Variants in LHPP observed in about 807,000 individuals in gnomAD.
The protein encoded by LHPP is phospholysine phosphohistidine inorganic pyrophosphate phosphatase.
LHPP carries 24 observed loss-of-function variants against 30.3 expected under a neutral mutation model. The ratio of observed to expected loss-of-function variants is 0.79; its 90% CI spans 0.57 to 1.11. The LOEUF is 1.11. Ranked by LOEUF, LHPP falls within the 50% of genes most tolerant of loss-of-function variation. The probability of loss-of-function intolerance (pLI) is 0.00; values close to 1 mark genes in which losing one functional copy is unlikely to be tolerated. For synonymous variants in LHPP, 150 were observed against 157.1 expected (o/e 0.95, Z 0.34); for missense variants, 356 against 367.2 (o/e 0.97, Z 0.25).
rs928037325 is a variant in LHPP at position 124,590,572 on chromosome 10, T to C, written c.717-22692T>C. Among the ~76,000 whole-genome samples, 1 of 152,154 alleles carries C rather than the reference T, an allele frequency of 6.6e-6. No individual in the cohort carries two copies. Among genetic ancestry groups the C allele is most frequent in the African/African-American group, 2.4e-5 (1 of 41,440 alleles). On this transcript the variant is annotated intron_variant, in intron 6 of 6. Transcript: ENST00000368842. The surrounding 1 kb of genome is among the most constrained non-coding windows in gnomAD (Gnocchi z 4.3). ...GTGTCATGACTGGACTTGTTACTTC[T>C]AGCCCAGGAGCTCCAGGTGAAGGGG...
At chr10:124,486,813 A>G (rs777447975) in intron 2 of LHPP, among the ~76,000 whole-genome samples, 1 of 152,248 alleles carries the variant, frequency 6.6e-6, no homozygotes, top group Non-Finnish European at 1.5e-5. Context: ...AGCGTAAATG[A>G]TCTGGTCAGA....
intron 1 of LHPP, among the ~76,000 whole-genome samples, chr10:124,469,513 G>C (rs975526844): frequency 8.5e-5 from 13 of 152,110 alleles, no homozygotes; most frequent in Non-Finnish European, 2.9e-5. Flanking sequence ...CCTGAGGTGG[G>C]GGGGGCTTCC....
chr10:124,610,379 GGTGAGGGT>G, intron 6 of LHPP, among the ~76,000 whole-genome samples: 1 of 151,582 alleles, frequency 6.6e-6, no homozygotes, highest in African/African-American at 2.4e-5. Flanking sequence ...TGGTGGAGCG[GGTGAGGGT>G]GCGGGTGAGG....
intron 6 of LHPP, among the ~76,000 whole-genome samples, chr10:124,559,091 C>T (rs899673846): frequency 7.2e-5 from 11 of 152,142 alleles, no homozygotes; most frequent in Non-Finnish European, 1.3e-4. Context: ...AGGGCCAGGC[C>T]GCGGCCCCCA....
At chr10:124,490,245 C>G (rs1953479743) in intron 3 of LHPP, 1 of 182,320 alleles carries the variant, frequency 5.5e-6, no homozygotes. Context: ...TCTTGCAGGT[C>G]GGTCACGCTC....
chr10:124,554,535 T>A (rs2063239063), intron 6 of LHPP, among the ~76,000 whole-genome samples: 1 of 152,232 alleles, frequency 6.6e-6, no homozygotes, highest in Admixed American at 6.5e-5. Context: ...AGTTTAATAA[T>A]GTGCATGCAG....
intron 1 of LHPP, among the ~76,000 whole-genome samples, chr10:124,463,308 G>C (rs1178361859): frequency 2.0e-5 from 3 of 151,844 alleles, no homozygotes; most frequent in Admixed American, 2.0e-4. Context: ...GGACTGCATT[G>C]GTTTAGGTGA....
At chr10:124,546,786 C>A (rs1414822040) in intron 6 of LHPP, among the ~76,000 whole-genome samples, 1 of 152,192 alleles carries the variant, frequency 6.6e-6, no homozygotes, top group East Asian at 1.9e-4. Flanking sequence ...TGCTCCCCAC[C>A]TCACCATGCA....
chr10:124,553,191 C>G (rs1258760580), intron 6 of LHPP, among the ~76,000 whole-genome samples: 1 of 150,652 alleles, frequency 6.6e-6, no homozygotes, highest in Non-Finnish European at 1.5e-5. Context: ...GTCCCTGTGA[C>G]TTGGCCATCC....
At chr10:124,492,980 A>T (rs1953577382) in intron 3 of LHPP, among the ~76,000 whole-genome samples, 1 of 152,182 alleles carries the variant, frequency 6.6e-6, no homozygotes, top group African/African-American at 2.4e-5. Context: ...TTGAGCTCAG[A>T]GGTTCGAGAC....
chr10:124,493,022 T>C (rs1953579693), intron 3 of LHPP, among the ~76,000 whole-genome samples: 1 of 150,380 alleles, frequency 6.6e-6, no homozygotes, highest in African/African-American at 2.4e-5. Context: ...ATTCCGTCTC[T>C]ACAAAAAAGA....
chr10:124,525,079 T>C (rs1295082770), intron 6 of LHPP, among the ~76,000 whole-genome samples: 1 of 152,212 alleles, frequency 6.6e-6, no homozygotes, highest in Non-Finnish European at 1.5e-5. Context: ...CTGGGCCTGC[T>C]TTCTTCTCCC....
At position 124,484,157 on chromosome 10, in the gene LHPP, G is replaced by T; in HGVS notation, c.144G>T (p.Leu48=). Residue 48 remains leucine (L), a synonymous_variant, in exon 2 of 7, where the codon CTG becomes CTT. Coordinates refer to ENST00000368842, the MANE Select transcript of LHPP (RefSeq NM_022126.4). ...GCCGCAGACTGAAGCGTTCCCGGCT[G>T]AAGGTGAGGTTCTGCACCAACGAGT... is the stretch of plus-strand genomic sequence containing the variant. ...EAVARLKRSR[L]KVRFCTNESQ... The T allele has an allele frequency of 1.2e-6, 2 of 1,614,018 alleles. No homozygotes were observed. Among genetic ancestry groups the T allele is most frequent in the South Asian group, 2.2e-5 (2 of 91,072 alleles).
intron 5 of LHPP, among the ~76,000 whole-genome samples, chr10:124,502,039 A>T (rs957184391): frequency 2.0e-5 from 3 of 152,016 alleles, no homozygotes; most frequent in African/African-American, 7.3e-5. Flanking sequence ...TAACCACTTT[A>T]AAATTGTTTT....
rs531939561 is a variant in LHPP at position 124,463,098 on chromosome 10, A to G, written c.125+1111A>G. Among the ~76,000 whole-genome samples the G allele has an allele frequency of 1.3e-3, 192 of 152,262 alleles. 1 individual carries two copies. The highest frequency in any genetic ancestry group is 4.5e-3 in the African/African-American group (186 of 41,548). On this transcript the variant is annotated intron_variant, in intron 1 of 6. Coordinates refer to ENST00000368842, the MANE Select transcript of LHPP (RefSeq NM_022126.4). ...TGGGCAGGCTGGTCTCTAACTCCTGACCTCAGGTGATCCACCTGCCTCGGC... is the reference window on the plus strand; with the variant it reads ...TGGGCAGGCTGGTCTCTAACTCCTGGCCTCAGGTGATCCACCTGCCTCGGC...
At chr10:124,488,621 G>T (rs754851243) in intron 3 of LHPP, 46 bp downstream of exon 3, 66 of 1,549,260 alleles carry the variant, frequency 4.3e-5, no homozygotes, top group Middle Eastern at 3.5e-4. Flanking sequence ...TTTAGATGAT[G>T]CTGTGCCAGT....
At chr10:124,484,026 C>T (rs923903012) in intron 1 of LHPP, 113 bp from the exon 2 acceptor site, 12 of 973,850 alleles carry the variant, frequency 1.2e-5, no homozygotes, top group Admixed American at 4.7e-5. Flanking sequence ...CTCGCAGTGG[C>T]CTAGTCTGCT....
chr10:124,543,666 C>T (rs934259980), intron 6 of LHPP, among the ~76,000 whole-genome samples: 4 of 152,204 alleles, frequency 2.6e-5, no homozygotes, highest in African/African-American at 9.7e-5. Context: ...CCTGTCTGGG[C>T]CCAGCACAGC....
At chr10:124,564,154 C>T (rs1439484489) in intron 6 of LHPP, among the ~76,000 whole-genome samples, 11 of 144,774 alleles carry the variant, frequency 7.6e-5, no homozygotes, top group East Asian at 4.1e-4. Context: ...GACGGAGTCT[C>T]GCTCTGTCAC....
Sources: allele counts gnomAD v4.1 joint callset (sites outside exome capture counted in the v4.1 genomes callset), GRCh38; gene constraint gnomAD v4.1.1; non-coding constraint Gnocchi (gnomAD v3.1); transcripts MANE v1.5; gene names NCBI Gene and HGNC (gene_info 2026-07-23, HGNC 2026-07-21).